OGFOD1: variants seen among roughly 807,000 people sequenced by gnomAD.
The protein encoded by OGFOD1 is 2-oxoglutarate and iron dependent oxygenase domain containing 1, also known as prolyl 3-hydroxylase OGFOD1.
OGFOD1 carries 54 observed loss-of-function variants against 67.7 expected under a neutral mutation model. The ratio of observed to expected loss-of-function variants is 0.80; its 90% CI spans 0.64 to 1.00. OGFOD1 has a LOEUF of 1.00. Ranked by LOEUF, OGFOD1 falls within the 50% of genes least tolerant of loss-of-function variation. OGFOD1 has a pLI of 0.00. For missense variants in OGFOD1, 606 were observed against 646.7 expected, an observed-to-expected ratio of 0.94 and a Z score of 0.68; for synonymous variants, 221 against 227.0, an observed-to-expected ratio of 0.97 and a Z score of 0.24.
At chr16:56,468,620 G>T (rs1426659032) in intron 8 of OGFOD1, among the ~76,000 whole-genome samples, 1 of 152,080 alleles carries the variant, frequency 6.6e-6, no homozygotes, top group East Asian at 1.9e-4. Flanking sequence ...CAGCTACTCA[G>T]GAGGCTGAGA....
In OGFOD1 at chr16:56,477,294, A is replaced by AC. The variant is rs1963525330; in HGVS notation, c.*1091dup. 6.6e-6 allele frequency: 1 copy of AC among 152,224 alleles called. No homozygotes were observed. Among genetic ancestry groups the AC allele is most frequent in the Admixed American group, 6.5e-5 (1 of 15,272 alleles). The allele number at this position is 152,224 out of a possible 1,614,324, so 9.4% of individuals were successfully genotyped here. A position where few individuals can be genotyped will look rare whatever the true frequency, so the allele number is the denominator to read the frequency against. On this transcript the variant is annotated 3_prime_UTR_variant, in exon 13 of 13. Transcript: ENST00000566157. The stretch of plus-strand genomic sequence containing the variant: ...CTCCCACTGCCTGTGGCCTTGTTCC[A>AC]CCATGACTCTCACAGTACAGTGTAG...
At chr16:56,475,412 C>T (rs1417665575) in intron 11 of OGFOD1, 95 bp from the exon 12 acceptor site, 2 of 1,114,494 alleles carry the variant, frequency 1.8e-6, no homozygotes, top group Non-Finnish European at 1.4e-6. Context: ...TCCCAGATCC[C>T]CCACTGTTAA....
rs1057327373 is a variant in OGFOD1, at chr16:56,465,187, A to G, written c.449-965A>G. ...GCTAATTTTTGTATTTTTAGTAGAGATGGGGTTTTGCCATGTTGGCCAGGC... is the reference window on the plus strand; with the variant it reads ...GCTAATTTTTGTATTTTTAGTAGAGGTGGGGTTTTGCCATGTTGGCCAGGC... On this transcript the variant is annotated intron_variant, in intron 4 of 12. Coordinates refer to ENST00000566157, the MANE Select transcript of OGFOD1 (RefSeq NM_018233.4). Among the ~76,000 whole-genome samples, 6 of 151,972 alleles carry G rather than the reference A, an allele frequency of 3.9e-5. No individual in the cohort carries two copies. In the East Asian group the frequency reaches 1.2e-3, roughly 30 times the overall value.
chr16:56,477,535 A>G lies in OGFOD1; in HGVS notation c.*1330A>G, dbSNP rs1963536749. On this transcript the variant is annotated 3_prime_UTR_variant, in exon 13 of 13. Coordinates refer to ENST00000566157, the MANE Select transcript of OGFOD1 (RefSeq NM_018233.4). ...TTTCCTAAATACTGTAGGGTCAACT[A>G]TATAACTAATTGCTTTTTATTTTAA... 6.6e-6 allele frequency: 1 copy of G among 152,216 alleles called. No homozygotes were observed. Among genetic ancestry groups the G allele is most frequent in the South Asian group, 2.1e-4 (1 of 4,836 alleles). 9.4% of individuals were successfully genotyped at this position (152,216 alleles called of 1,614,324 possible). A position where few individuals can be genotyped will look rare whatever the true frequency, so the allele number is the denominator to read the frequency against.
intron 10 of OGFOD1, among the ~76,000 whole-genome samples, chr16:56,472,748 ATATTTTTACACATC>A (rs1316012735): frequency 2.6e-5 from 4 of 152,136 alleles, no homozygotes; most frequent in African/African-American, 9.7e-5. Flanking sequence ...TATGGGGGGT[ATATTTTTACACATC>A]TATTTTTAAT....
At chr16:56,474,113 T>C (rs1567556357) in intron 10 of OGFOD1, among the ~76,000 whole-genome samples, 1 of 152,142 alleles carries the variant, frequency 6.6e-6, no homozygotes, top group Non-Finnish European at 1.5e-5. Flanking sequence ...TTTTTTAATT[T>C]TGTTCAGCAT....
chr16:56,467,153 T>G lies in OGFOD1; in HGVS notation c.658-12T>G. 1 of 1,614,124 alleles carries G rather than the reference T, an allele frequency of 6.2e-7. No individual in the cohort carries two copies. Among genetic ancestry groups the G allele is most frequent in the South Asian group, 1.1e-5 (1 of 91,076 alleles). On this transcript the variant is annotated splice_polypyrimidine_tract_variant and intron_variant, in intron 6 of 12. Coordinates refer to ENST00000566157, the MANE Select transcript of OGFOD1 (RefSeq NM_018233.4). Reference sequence around the variant, plus strand: ...TCTTCGTGTTGATGTGCTACTGGGCTTCTCCTTTCAGGTGTCTGAAGTGCT... The same window carrying G: ...TCTTCGTGTTGATGTGCTACTGGGCGTCTCCTTTCAGGTGTCTGAAGTGCT...
Position 56,465,911 on chromosome 16 carries a change from AT to A in OGFOD1, c.449-239del. The A allele has an allele frequency of 1.2e-5, 4 of 347,782 alleles. No homozygotes were observed. In the South Asian group the frequency reaches 1.9e-4, roughly 16 times the overall value. The allele number at this position is 347,782 out of a possible 1,614,324, so 21.5% of individuals were successfully genotyped here. On this transcript the variant is annotated intron_variant, in intron 4 of 12. Transcript: ENST00000566157. Reference sequence around the variant, plus strand: ...ATACTGGAAGATGATATGTAAAAATATTGTTAGCGATTATATCTGGATCTAT... The same window carrying A: ...ATACTGGAAGATGATATGTAAAAATATGTTAGCGATTATATCTGGATCTAT...
At chr16:56,466,094 T>C in intron 4 of OGFOD1, 58 bp from the exon 5 acceptor site, 1 of 1,173,408 alleles carries the variant, frequency 8.5e-7, no homozygotes, top group South Asian at 1.2e-5. Context: ...AAATGCAGAG[T>C]CAGGTGTCAG....
chr16:56,475,401 C>A lies in OGFOD1; in HGVS notation c.1409-106C>A. The A allele has an allele frequency of 3.0e-6, 3 of 1,008,560 alleles. No individual in the cohort carries two copies. In the South Asian group the frequency reaches 3.9e-5, roughly 13 times the overall value. The allele number at this position is 1,008,560 out of a possible 1,614,324, so 62.5% of individuals were successfully genotyped here. On this transcript the variant is annotated intron_variant, in intron 11 of 12. Coordinates refer to ENST00000566157, the MANE Select transcript of OGFOD1 (RefSeq NM_018233.4). ...AGTCATAGAACCAGTTACTGCTGAACTCCCAGATCCCCCACTGTTAAGCAG... is the reference window on the plus strand; with the variant it reads ...AGTCATAGAACCAGTTACTGCTGAAATCCCAGATCCCCCACTGTTAAGCAG...
rs118155372 is a variant in OGFOD1, at chr16:56,466,912, T to A, written c.602T>A (p.Ile201Asn). The stretch of plus-strand genomic sequence containing the variant: ...CCGAAGCAGATTGTCAAGTCTCTTA[T>A]CCCTTCGTGGAACAAACTGGTTTTC... Reference protein sequence around the residue: ...FQPKQIVKSLIPSWNKLVFFE... With the variant: ...FQPKQIVKSLNPSWNKLVFFE... Residue 201 changes from isoleucine (I) to asparagine (N), a missense_variant, in exon 6 of 13, where the codon ATC (isoleucine) becomes AAC (asparagine). Ile to Asn is a moderately radical substitution (Grantham distance 149, BLOSUM62 -3). Coordinates refer to ENST00000566157, the MANE Select transcript of OGFOD1 (RefSeq NM_018233.4). 9.9e-5 allele frequency: 159 copies of A among 1,614,006 alleles called. No homozygotes were observed. Among genetic ancestry groups the A allele is most frequent in the Middle Eastern group, 1.6e-4 (1 of 6,062 alleles).
chr16:56,471,028 A>C (rs79975550), intron 10 of OGFOD1, among the ~76,000 whole-genome samples: 1 of 152,114 alleles, frequency 6.6e-6, no homozygotes, highest in Non-Finnish European at 1.5e-5. Flanking sequence ...AGTGCTATGC[A>C]AAACATTGTA....
chr16:56,461,734 G>A (rs1420263499), intron 3 of OGFOD1, among the ~76,000 whole-genome samples: 1 of 152,182 alleles, frequency 6.6e-6, no homozygotes, highest in African/African-American at 2.4e-5. Context: ...GCTGGTGTCA[G>A]AGAATTGGTC....
intron 2 of OGFOD1, among the ~76,000 whole-genome samples, chr16:56,456,291 T>C (rs1720910297): frequency 1.3e-5 from 2 of 152,240 alleles, no homozygotes; most frequent in African/African-American, 4.8e-5. Context: ...CTCTTCCACC[T>C]GACTTCTTAA....
chr16:56,458,928 A>G (rs1962619809), intron 3 of OGFOD1: 1 of 298,182 alleles, frequency 3.4e-6, no homozygotes, highest in African/African-American at 2.2e-5. Context: ...TAGTGTTGAC[A>G]GATATAGATA....
Position 56,466,981 on chromosome 16 carries a change from G to A in OGFOD1, c.657+14G>A, listed in dbSNP as rs1220526201. On this transcript the variant is annotated intron_variant, in intron 6 of 12. Transcript: ENST00000566157. ...TCCTTTCACCAGGTAAAGACTGTAA[G>A]CCACAAATAGAGTAGCAAGGATTAT... 1.3e-6 allele frequency: 2 copies of A among 1,584,138 alleles called. No individual in the cohort carries two copies. The highest frequency in any genetic ancestry group is 2.2e-5 in the East Asian group (1 of 44,756).
intron 4 of OGFOD1, among the ~76,000 whole-genome samples, 178 bp downstream of exon 4, chr16:56,462,812 A>C (rs1486454577): frequency 6.6e-6 from 1 of 152,212 alleles, no homozygotes; most frequent in Non-Finnish European, 1.5e-5. Flanking sequence ...AGGCATAAGC[A>C]GTGGTTGTCT....
intron 2 of OGFOD1, chr16:56,458,022 CCT>C (rs1179925314): frequency 1.3e-5 from 2 of 158,966 alleles, no homozygotes; most frequent in African/African-American, 4.8e-5. Context: ...CCTCCCTCTC[CCT>C]CTCTGCTCTT....
rs1302926110 is a variant in OGFOD1 at position 56,466,203 on chromosome 16, T to C, written c.500T>C (p.Ile167Thr). Residue 167 changes from isoleucine (I) to threonine (T), a missense_variant, in exon 5 of 13, where the codon ATC (isoleucine) becomes ACC (threonine). Coordinates refer to ENST00000566157, the MANE Select transcript of OGFOD1 (RefSeq NM_018233.4). Reference protein sequence around the residue: ...DELEGRRIAFILYLVPPWDRS... With the variant: ...DELEGRRIAFTLYLVPPWDRS... ...CTGGAAGGGCGCCGGATTGCCTTCA[T>C]CCTGTACCTGGTTCCTCCCTGGGAC... The C allele has an allele frequency of 1.9e-6, 3 of 1,614,012 alleles. No individual in the cohort carries two copies. Among genetic ancestry groups the C allele is most frequent in the Middle Eastern group, 1.6e-4 (1 of 6,080 alleles).
Sources: gnomAD v4.1 joint callset for allele counts (sites outside exome capture counted in the v4.1 genomes callset) on GRCh38, gnomAD v4.1.1 for gene constraint, MANE v1.5 for transcripts, NCBI Gene and HGNC (gene_info 2026-07-23, HGNC 2026-07-21) for gene names.